The following PRKG1 variants were observed in gnomAD, a reference collection of about 807,000 sequenced individuals.
PRKG1 encodes the protein cGMP-dependent protein kinase 1.
PRKG1 carries 35 observed loss-of-function variants against 88.1 expected under a neutral mutation model. The ratio of observed to expected loss-of-function variants is 0.40; its 90% confidence interval spans 0.30 to 0.53. The LOEUF is 0.53. Among genes scored for constraint, PRKG1 ranks in the 20% least tolerant of loss-of-function variants. The pLI is 0.59. For missense variants in PRKG1, 540 were observed against 839.8 expected (o/e 0.64, Z 4.41); for synonymous variants, 303 against 292.5 (o/e 1.04, Z -0.37).
chr10:51,398,888 G>A (rs1177935536), intron 2 of PRKG1, among the ~76,000 whole-genome samples: 2 of 152,124 alleles, frequency 1.3e-5, no homozygotes, highest in East Asian at 3.9e-4. Context: ...GCTTCTTTCA[G>A]ACTAGAACTG....
intron 12 of PRKG1, among the ~76,000 whole-genome samples, chr10:52,273,467 T>C (rs1207514372): frequency 1.3e-5 from 2 of 152,060 alleles, no homozygotes; most frequent in Non-Finnish European, 2.9e-5. Context: ...AACCATGTAA[T>C]GTTTTTATAT....
intron 3 of PRKG1, among the ~76,000 whole-genome samples, chr10:51,556,282 G>T (rs977172903): frequency 1.3e-5 from 2 of 151,890 alleles, no homozygotes; most frequent in African/African-American, 4.8e-5. Flanking sequence ...AAATTTGAAA[G>T]ATGTAATTTA....
chr10:52,045,442 A>G (rs570967561), intron 5 of PRKG1, among the ~76,000 whole-genome samples: 1 of 152,284 alleles, frequency 6.6e-6, no homozygotes, highest in East Asian at 1.9e-4. Flanking sequence ...AGAGCAAGGC[A>G]AAGTTCAAGG....
At chr10:52,050,417 A>C (rs1589558629) in intron 5 of PRKG1, among the ~76,000 whole-genome samples, 1 of 152,172 alleles carries the variant, frequency 6.6e-6, no homozygotes, top group African/African-American at 2.4e-5. Context: ...TTAATTTGAA[A>C]TATGAAAATG....
intron 3 of PRKG1, among the ~76,000 whole-genome samples, chr10:51,704,098 C>T (rs1429346152): frequency 6.1e-5 from 9 of 147,354 alleles, no homozygotes; most frequent in African/African-American, 2.3e-4. Context: ...GAGCTGAGAT[C>T]GCACCACTGC....
chr10:51,817,355 C>CCG (rs1554844535), intron 4 of PRKG1, among the ~76,000 whole-genome samples: 1 of 148,776 alleles, frequency 6.7e-6, no homozygotes, highest in Non-Finnish European at 1.5e-5. Flanking sequence ...CAACCCCCCC[C>CCG]CTCCCCTGAC....
chr10:51,185,416 A>G (rs2132032139), intron 2 of PRKG1, among the ~76,000 whole-genome samples: 1 of 152,238 alleles, frequency 6.6e-6, no homozygotes, highest in South Asian at 2.1e-4. Flanking sequence ...ACATTACTGT[A>G]TTCAAATCCA....
Position 51,283,224 on chromosome 10 carries a change from A to AC in PRKG1, c.478+129894_478+129895insC, listed in dbSNP as rs1272635312. ...GAGAAGCATAGAAACTATAAGGAAA[A>AC]AAAAACAAAAACAAAAACTAACCTT... On this transcript the variant is annotated intron_variant, in intron 2 of 17. Transcript: ENST00000373980. Among the ~76,000 whole-genome samples, 5 of 152,128 alleles carry AC rather than the reference A, an allele frequency of 3.3e-5. No homozygotes were observed. In the East Asian group the frequency reaches 7.7e-4, roughly 23 times the overall value.
In PRKG1 at chr10:51,309,253, C is replaced by A. The variant is rs973453663; in HGVS notation, c.478+155923C>A. Among the ~76,000 whole-genome samples, 3 of 152,124 alleles carry A rather than the reference C, an allele frequency of 2.0e-5. No homozygotes were observed. In the East Asian group the frequency reaches 5.8e-4, roughly 29 times the overall value. On this transcript the variant is annotated intron_variant, in intron 2 of 17. Transcript: ENST00000373980. Reference sequence around the variant, plus strand: ...ACAAGTGTCTTTCAAATCCCAGTCTCTTTCATAAACTCCTATTGGATTAAA... The same window carrying A: ...ACAAGTGTCTTTCAAATCCCAGTCTATTTCATAAACTCCTATTGGATTAAA...
intron 5 of PRKG1, among the ~76,000 whole-genome samples, chr10:52,053,087 T>A (rs1846028612): frequency 6.6e-6 from 1 of 152,206 alleles, no homozygotes. Flanking sequence ...ATTATTTTTA[T>A]TTAGAAATAA....
chr10:51,483,960 C>CT (rs577324118), intron 3 of PRKG1, among the ~76,000 whole-genome samples: 4 of 152,000 alleles, frequency 2.6e-5, no homozygotes, highest in East Asian at 1.9e-4. Context: ...ATTCATAAGG[C>CT]TTTTTTTTCT....
intron 2 of PRKG1, among the ~76,000 whole-genome samples, chr10:51,445,077 A>T (rs1021939370): frequency 6.6e-6 from 1 of 151,994 alleles, no homozygotes; most frequent in Non-Finnish European, 1.5e-5. Context: ...AGCCACATGT[A>T]ACATTTGAGC....
chr10:51,278,283 C>G (rs1476993945), intron 2 of PRKG1, among the ~76,000 whole-genome samples: 1 of 152,154 alleles, frequency 6.6e-6, no homozygotes, highest in Non-Finnish European at 1.5e-5. Flanking sequence ...TTGAACCAGC[C>G]TTGCATCCCA....
chr10:51,569,433 G>A (rs1837690622), intron 3 of PRKG1, among the ~76,000 whole-genome samples: 1 of 151,984 alleles, frequency 6.6e-6, no homozygotes, highest in African/African-American at 2.4e-5. Context: ...TGACAGGTTA[G>A]GTGATCTGCT....
chr10:51,385,648 C>T (rs1388874145), intron 2 of PRKG1, among the ~76,000 whole-genome samples: 2 of 152,146 alleles, frequency 1.3e-5, no homozygotes, highest in African/African-American at 4.8e-5. Context: ...GAATCGAAGC[C>T]CTCATTCATG....
At chr10:52,056,137 A>G (rs1001679619) in intron 6 of PRKG1, among the ~76,000 whole-genome samples, 23 of 152,200 alleles carry the variant, frequency 1.5e-4, no homozygotes, top group African/African-American at 5.1e-4. Context: ...TACAGTTAAA[A>G]TTATATCTTA....
intron 2 of PRKG1, among the ~76,000 whole-genome samples, chr10:51,259,483 GT>G (rs1012408412): frequency 2.2e-4 from 33 of 151,818 alleles, no homozygotes; most frequent in Non-Finnish European, 7.4e-5. Flanking sequence ...TTTTGTTTTT[GT>G]TTTTTTGAGA....
intron 3 of PRKG1, among the ~76,000 whole-genome samples, chr10:51,663,561 T>TA (rs1235925631): frequency 2.0e-5 from 3 of 151,150 alleles, no homozygotes; most frequent in Non-Finnish European, 4.4e-5. Flanking sequence ...AAAAAAAAAC[T>TA]AAAAAATTAG....
chr10:51,934,494 C>T (rs973705281), intron 5 of PRKG1, among the ~76,000 whole-genome samples: 3 of 152,282 alleles, frequency 2.0e-5, no homozygotes, highest in Middle Eastern at 3.4e-3. Flanking sequence ...CAGTAACCAA[C>T]GATCCCCAAA....
Sources: gnomAD v4.1 joint callset for allele counts (sites outside exome capture counted in the v4.1 genomes callset) on GRCh38, gnomAD v4.1.1 for gene constraint, MANE v1.5 for transcripts, NCBI Gene and HGNC (gene_info 2026-07-23, HGNC 2026-07-21) for gene names.